The following ERC2 variants were observed in gnomAD, a reference collection of about 807,000 sequenced individuals.
ERC2 encodes the protein ERC protein 2.
Under a neutral mutation model 114.8 loss-of-function variants are expected in ERC2, and 42 were observed. The observed-to-expected ratio is 0.37, with a 90% CI of 0.29 to 0.47. ERC2 has a LOEUF of 0.47. Among genes scored for constraint, ERC2 ranks in the 20% least tolerant of loss-of-function variants. ERC2 has a pLI of 0.99. For missense variants in ERC2, 939 were observed against 1,150.7 expected, an observed-to-expected ratio of 0.82 and a Z score of 2.66; for synonymous variants, 454 against 425.5, an observed-to-expected ratio of 1.07 and a Z score of -0.82.
At chr3:55,966,384 A>T (rs550986631) in intron 12 of ERC2, among the ~76,000 whole-genome samples, 3 of 152,278 alleles carry the variant, frequency 2.0e-5, no homozygotes, top group East Asian at 3.9e-4. Flanking sequence ...AGGGTGGCCA[A>T]ACATTTAGGA....
At chr3:56,010,331 A>T in intron 9 of ERC2, 118 bp downstream of exon 9, 1 of 1,239,678 alleles carries the variant, frequency 8.1e-7, no homozygotes. Flanking sequence ...AAGAAAGGTT[A>T]CTACATTCCC....
chr3:55,741,868 G>T (rs117630270), intron 14 of ERC2, among the ~76,000 whole-genome samples: 1 of 152,072 alleles, frequency 6.6e-6, no homozygotes, highest in Non-Finnish European at 1.5e-5. Context: ...TTTTATCAAC[G>T]TGCAGCCTAA....
At chr3:56,056,006 C>T (rs888126111) in intron 7 of ERC2, among the ~76,000 whole-genome samples, 11 of 152,286 alleles carry the variant, frequency 7.2e-5, no homozygotes, top group Admixed American at 2.6e-4. Context: ...GAATACACTG[C>T]CAGAGTTTTG....
chr3:55,879,813 C>T (rs1284704536), intron 14 of ERC2, among the ~76,000 whole-genome samples: 2 of 152,202 alleles, frequency 1.3e-5, no homozygotes, highest in Non-Finnish European at 2.9e-5. Flanking sequence ...CAGCTAAAGG[C>T]TATATTTCCC....
chr3:56,374,738 G>T (rs528096241), intron 2 of ERC2, among the ~76,000 whole-genome samples: 1 of 152,254 alleles, frequency 6.6e-6, no homozygotes, highest in East Asian at 1.9e-4. Context: ...CAGGAAAGAA[G>T]AGTAAAAATC....
rs548313623 is a variant in ERC2, at chr3:56,038,940, TG to T, written c.1642-19910del. Among the ~76,000 whole-genome samples, 8 of 152,190 alleles carry T rather than the reference TG, an allele frequency of 5.3e-5. No individual in the cohort carries two copies. In the South Asian group the frequency reaches 1.5e-3, roughly 28 times the overall value. ...ACCCACTGGGGCCTGTGGTAGGTGGTGGGGGTTGGGAGAACATCAGGAAAAA... is the reference window on the plus strand; with the variant it reads ...ACCCACTGGGGCCTGTGGTAGGTGGTGGGGTTGGGAGAACATCAGGAAAAA... On this transcript the variant is annotated intron_variant, in intron 7 of 17. Transcript: ENST00000288221.
chr3:55,529,231 G>A (rs796675758), intron 17 of ERC2, among the ~76,000 whole-genome samples: 14 of 152,148 alleles, frequency 9.2e-5, no homozygotes, highest in African/African-American at 3.4e-4. Context: ...TTTAATTATT[G>A]AAAGTTGAAG....
intron 14 of ERC2, among the ~76,000 whole-genome samples, chr3:55,838,876 G>C (rs1170868593): frequency 6.6e-6 from 1 of 151,626 alleles, no homozygotes; most frequent in East Asian, 1.9e-4. Flanking sequence ...AACTACAAAA[G>C]CTCACTCAAA....
chr3:56,327,606 G>T lies in ERC2; in HGVS notation c.658-31171C>A, dbSNP rs566554286. On this transcript the variant is annotated intron_variant, in intron 2 of 17. Transcript: ENST00000288221. Reference sequence around the variant, plus strand: ...CAGAAGAATCGCTTGAACCAGGGAGGCGTAGGTTGCAATGAGCTGAGATCA... The same window carrying T: ...CAGAAGAATCGCTTGAACCAGGGAGTCGTAGGTTGCAATGAGCTGAGATCA... 3.5e-4 allele frequency among the ~76,000 whole-genome samples: 53 copies of T among 152,270 alleles called. 1 individual carries two copies. Among genetic ancestry groups the T allele is most frequent in the Admixed American group, 3.2e-3 (49 of 15,300 alleles).
intron 14 of ERC2, among the ~76,000 whole-genome samples, chr3:55,804,392 G>T (rs921609452): frequency 6.6e-6 from 1 of 152,142 alleles, no homozygotes; most frequent in Non-Finnish European, 1.5e-5. Flanking sequence ...TTAAGAGAAT[G>T]GGGTGAGATG....
chr3:55,893,973 A>C (rs1156353277), intron 13 of ERC2, among the ~76,000 whole-genome samples: 1 of 152,190 alleles, frequency 6.6e-6, no homozygotes, highest in African/African-American at 2.4e-5. Flanking sequence ...TATATGAAGC[A>C]ATGATTGCAG....
At chr3:55,659,646 T>C (rs1352734729) in intron 17 of ERC2, among the ~76,000 whole-genome samples, 3 of 152,092 alleles carry the variant, frequency 2.0e-5, no homozygotes, top group Non-Finnish European at 4.4e-5. Context: ...GGTTTCCAAG[T>C]CCCCTTATAA....
chr3:55,963,515 C>A (rs2068535625), intron 12 of ERC2, among the ~76,000 whole-genome samples: 1 of 152,188 alleles, frequency 6.6e-6, no homozygotes, highest in South Asian at 2.1e-4. Flanking sequence ...AAGGGGCAAA[C>A]CCAAGACAGG....
chr3:56,398,614 T>C (rs1031112355), intron 2 of ERC2, among the ~76,000 whole-genome samples: 2 of 151,590 alleles, frequency 1.3e-5, no homozygotes, highest in African/African-American at 4.9e-5. Context: ...TATGTGTTTG[T>C]GTATATATAT....
intron 14 of ERC2, among the ~76,000 whole-genome samples, chr3:55,744,115 C>A (rs1575458602): frequency 6.6e-6 from 1 of 152,080 alleles, no homozygotes; most frequent in South Asian, 2.1e-4. Context: ...AGAAGTGCAA[C>A]TTTGTGGCCA....
At chr3:55,772,028 G>T (rs547225810) in intron 14 of ERC2, among the ~76,000 whole-genome samples, 1 of 152,140 alleles carries the variant, frequency 6.6e-6, no homozygotes, top group Admixed American at 6.5e-5. Context: ...GGGCCTCTCC[G>T]CCCATCAGGA....
chr3:55,952,156 C>CACAG (rs2149447059), intron 12 of ERC2, among the ~76,000 whole-genome samples: 1 of 59,862 alleles, frequency 1.7e-5, no homozygotes, highest in East Asian at 3.3e-4. Flanking sequence ...CACACACACA[C>CACAG]ACACACACAC....
intron 17 of ERC2, among the ~76,000 whole-genome samples, chr3:55,562,190 T>G (rs2056070971): frequency 6.6e-6 from 1 of 150,862 alleles, no homozygotes; most frequent in Non-Finnish European, 1.5e-5. Flanking sequence ...TTGCTCTCGT[T>G]TCCCAGGCTG....
At chr3:55,511,694 A>G (rs1332798266) in intron 17 of ERC2, among the ~76,000 whole-genome samples, 1 of 152,154 alleles carries the variant, frequency 6.6e-6, no homozygotes, top group East Asian at 1.9e-4. Flanking sequence ...TTTTATGGAG[A>G]TTAAAGAATT....
Sources: allele counts gnomAD v4.1 joint callset (sites outside exome capture counted in the v4.1 genomes callset), GRCh38; gene constraint gnomAD v4.1.1; transcripts MANE v1.5; gene names NCBI Gene and HGNC (gene_info 2026-07-23, HGNC 2026-07-21).